MEOX1: variants seen among roughly 807,000 people sequenced by gnomAD.
The protein encoded by MEOX1 is mesenchyme homeobox 1.
Under a neutral mutation model 23.2 loss-of-function variants are expected in MEOX1, and 17 were observed. That is an observed-to-expected ratio of 0.73 (90% CI 0.50 to 1.10). The LOEUF is 1.10. Ranked by LOEUF, MEOX1 falls within the 50% of genes least tolerant of loss-of-function variation. The probability of loss-of-function intolerance (pLI) is 0.00; values close to 1 mark genes in which losing one functional copy is unlikely to be tolerated. For missense variants in MEOX1, 333 were observed against 332.2 expected (o/e 1.00, Z -0.02); for synonymous variants, 134 against 135.1 (o/e 0.99, Z 0.06).
In MEOX1 at chr17:43,645,177, T is replaced by A. The variant is rs1303612081; in HGVS notation, c.470-1517A>T. Among the ~76,000 whole-genome samples the A allele has an allele frequency of 1.4e-3, 203 of 141,024 alleles. 1 individual carries two copies. Among genetic ancestry groups the A allele is most frequent in the African/African-American group, 5.2e-3 (198 of 37,796 alleles). The allele number at this position is 141,024 out of a possible 152,430, so 92.5% of individuals were successfully genotyped here. On this transcript the variant is annotated intron_variant, in intron 1 of 2. Transcript: ENST00000318579. ...CGTTTGCTTCATTAATTATCTTTTT[T>A]TTTTTTTTTTTTTTTTTGAGATGGA...
intron 2 of MEOX1, among the ~76,000 whole-genome samples, 175 bp downstream of exon 2, chr17:43,643,313 C>T (rs1372422797): frequency 6.6e-6 from 1 of 151,852 alleles, no homozygotes; most frequent in African/African-American, 2.4e-5. Context: ...TCTCAAAAAA[C>T]AAAAAACAAA....
At chr17:43,651,851 G>A (rs904099366) in intron 1 of MEOX1, among the ~76,000 whole-genome samples, 2 of 152,232 alleles carry the variant, frequency 1.3e-5, no homozygotes, top group Non-Finnish European at 2.9e-5. Context: ...TGACCCCTGG[G>A]CTGACCTTCT....
chr17:43,654,289 A>ACC, intron 1 of MEOX1, among the ~76,000 whole-genome samples: 1 of 152,250 alleles, frequency 6.6e-6, no homozygotes, highest in East Asian at 1.9e-4. Context: ...CGGGCGGATC[A>ACC]CCTGAGGTCA....
chr17:43,656,249 A>G (rs1973015655), intron 1 of MEOX1, among the ~76,000 whole-genome samples: 1 of 152,170 alleles, frequency 6.6e-6, no homozygotes, highest in South Asian at 2.1e-4. Context: ...GGTGGTTTTT[A>G]AGTAGGACTT....
chr17:43,649,559 G>C (rs139009388), intron 1 of MEOX1, among the ~76,000 whole-genome samples: 2,731 of 152,126 alleles, frequency 0.018, 83 homozygotes, highest in African/African-American at 0.062. Context: ...CACCTGCCTC[G>C]GCCTCCCAAA....
chr17:43,641,224 G>A lies in MEOX1; in HGVS notation c.*686C>T, dbSNP rs1405157725. The A allele has an allele frequency of 6.6e-6, 1 of 152,056 alleles. No individual in the cohort carries two copies. The highest frequency in any genetic ancestry group is 2.4e-5 in the African/African-American group (1 of 41,396). 9.4% of individuals were successfully genotyped at this position (152,056 alleles called of 1,614,324 possible). A position where few individuals can be genotyped will look rare whatever the true frequency, so the allele number is the denominator to read the frequency against. On this transcript the variant is annotated 3_prime_UTR_variant, in exon 3 of 3. Coordinates refer to ENST00000318579, the MANE Select transcript of MEOX1 (RefSeq NM_004527.4). The stretch of plus-strand genomic sequence containing the variant: ...GCCTGTGTGGACGGGCCTATATGGG[G>A]ACACCGAAACCTACATCGGGCTATT...
intron 1 of MEOX1, among the ~76,000 whole-genome samples, chr17:43,645,791 T>C (rs1451806211): frequency 6.6e-6 from 1 of 152,140 alleles, no homozygotes; most frequent in East Asian, 1.9e-4. Context: ...GCCTAGCTGG[T>C]TCCCCTCCCA....
At chr17:43,644,503 G>A (rs141442578) in intron 1 of MEOX1, among the ~76,000 whole-genome samples, 57 of 152,354 alleles carry the variant, frequency 3.7e-4, no homozygotes, top group Non-Finnish European at 2.9e-5. Flanking sequence ...TCTAGTATTA[G>A]TATCACTTTA....
chr17:43,650,168 A>T (rs906261716), intron 1 of MEOX1, among the ~76,000 whole-genome samples: 12 of 152,204 alleles, frequency 7.9e-5, no homozygotes, highest in Non-Finnish European at 1.8e-4. Context: ...CTTTCCTCCA[A>T]AGAGAACTTC....
At chr17:43,646,497 G>C (rs888783180) in intron 1 of MEOX1, among the ~76,000 whole-genome samples, 1 of 152,206 alleles carries the variant, frequency 6.6e-6, no homozygotes, top group African/African-American at 2.4e-5. Context: ...CCACGGTTGC[G>C]GGGAGTGGAT....
rs896776689 is a variant in MEOX1, at chr17:43,640,584, T to C, written c.*1326A>G. 2 of 152,162 alleles carry C rather than the reference T, an allele frequency of 1.3e-5. No homozygotes were observed. Among genetic ancestry groups the C allele is most frequent in the African/African-American group, 4.8e-5 (2 of 41,428 alleles). The allele number at this position is 152,162 out of a possible 1,614,324, so 9.4% of individuals were successfully genotyped here. ...TGGGGTGGGGAGGTGGGGTTATTTT[T>C]ACATGTGAATGATTACATCTGCGTA... On this transcript the variant is annotated 3_prime_UTR_variant, in exon 3 of 3. Coordinates refer to ENST00000318579, the MANE Select transcript of MEOX1 (RefSeq NM_004527.4).
At position 43,643,615 on chromosome 17, in the gene MEOX1, C is replaced by A. The variant is rs780617773; in HGVS notation, c.515G>T (p.Arg172Leu). Residue 172 changes from arginine (R) to leucine (L), a missense_variant, in exon 2 of 3, where the codon CGC (arginine) becomes CTC (leucine). Arg to Leu is a moderately radical substitution (Grantham distance 102, BLOSUM62 -2). Transcript: ENST00000318579. ...CTTGGTGAAGGCCGTCCTCTCCTTG[C>A]GGGCTTTGCTGCTGCCCTCCGGCTT... Reference protein sequence around the residue: ...RGKPEGSSKARKERTAFTKEQ... With the variant: ...RGKPEGSSKALKERTAFTKEQ... 3 of 1,613,434 alleles carry A rather than the reference C, an allele frequency of 1.9e-6. No individual in the cohort carries two copies. The highest frequency in any genetic ancestry group is 1.1e-5 in the South Asian group (1 of 90,728).
At chr17:43,648,271 C>A (rs2154588849) in intron 1 of MEOX1, among the ~76,000 whole-genome samples, 1 of 152,108 alleles carries the variant, frequency 6.6e-6, no homozygotes, top group African/African-American at 2.4e-5. Context: ...AGATCGAGAC[C>A]ATCCTGGCTA....
At chr17:43,651,460 C>T (rs749254626) in intron 1 of MEOX1, among the ~76,000 whole-genome samples, 61 of 152,228 alleles carry the variant, frequency 4.0e-4, no homozygotes, top group Non-Finnish European at 6.5e-4. Context: ...CCATATGTCA[C>T]CCTCAGCTGT....
chr17:43,644,118 A>C (rs564853563), intron 1 of MEOX1, among the ~76,000 whole-genome samples: 4 of 152,106 alleles, frequency 2.6e-5, no homozygotes, highest in African/African-American at 9.7e-5. Flanking sequence ...CAGACCTACT[A>C]AGTCAGAAAC....
chr17:43,647,627 G>A (rs1444140337), intron 1 of MEOX1, among the ~76,000 whole-genome samples: 2 of 152,132 alleles, frequency 1.3e-5, no homozygotes. Context: ...TCCAAGACCT[G>A]CTTAGGTGTG....
Position 43,641,989 on chromosome 17 carries a change from A to C in MEOX1, c.686T>G (p.Val229Gly), listed in dbSNP as rs1433116761. ...FQNRRMKWKR[V>G]KGGQPISPNG... is the part of the protein sequence containing the mutation. The stretch of plus-strand genomic sequence containing the variant: ...GGGGGAGATGGGCTGACCTCCCTTC[A>C]CACGCTTCCACTTCATCCTTCGGTT... Residue 229 changes from valine to glycine, a missense_variant, in exon 3 of 3, where the codon GTG becomes GGG. Coordinates refer to ENST00000318579, the MANE Select transcript of MEOX1 (RefSeq NM_004527.4). The C allele has an allele frequency of 1.2e-6, 2 of 1,613,956 alleles. No homozygotes were observed. The highest frequency in any genetic ancestry group is 1.7e-6 in the Non-Finnish European group (2 of 1,179,942).
At chr17:43,659,881 T>C (rs1973106670) in intron 1 of MEOX1, among the ~76,000 whole-genome samples, 1 of 152,242 alleles carries the variant, frequency 6.6e-6, no homozygotes, top group Admixed American at 6.5e-5. Flanking sequence ...TTGAGCTTTC[T>C]TGGGTGAGAC....
Position 43,649,671 on chromosome 17 carries a change from A to T in MEOX1, c.470-6011T>A, listed in dbSNP as rs535521704. Among the ~76,000 whole-genome samples the T allele has an allele frequency of 4.6e-5, 7 of 152,232 alleles. No individual in the cohort carries two copies. In the East Asian group the frequency reaches 1.4e-3, roughly 29 times the overall value. On this transcript the variant is annotated intron_variant, in intron 1 of 2. Coordinates refer to ENST00000318579, the MANE Select transcript of MEOX1 (RefSeq NM_004527.4). ...CAGGCACAACAACTAGATGTGTCAC[A>T]TGGCAATCCACATCACTCCTGCGCT...
Sources: gnomAD v4.1 joint callset for allele counts (sites outside exome capture counted in the v4.1 genomes callset) on GRCh38, gnomAD v4.1.1 for gene constraint, MANE v1.5 for transcripts, NCBI Gene and HGNC (gene_info 2026-07-23, HGNC 2026-07-21) for gene names.